Variants in MOCS1 observed in about 807,000 individuals in gnomAD.
The protein encoded by MOCS1 is molybdenum cofactor biosynthesis protein 1.
A neutral mutation model predicts 57.6 loss-of-function variants in MOCS1; 39 were observed. That is an observed-to-expected ratio of 0.68 (90% CI 0.52 to 0.88). MOCS1 has a LOEUF of 0.88. Ranked by LOEUF, MOCS1 falls within the 40% of genes least tolerant of loss-of-function variation. MOCS1 has a pLI of 0.00. For missense variants in MOCS1, 795 were observed against 831.1 expected (o/e 0.96, Z 0.53); for synonymous variants, 334 against 335.7 (o/e 1.00, Z 0.05).
chr6:39,905,702 C>T lies in MOCS1; in HGVS notation c.*655G>A, dbSNP rs892789300. On this transcript the variant is annotated 3_prime_UTR_variant, in exon 11 of 11. Transcript: ENST00000340692. ...CTTAGGGCTATGGCCCATGTGTGCA[C>T]ATCCTGTTTCAGAAGAGGGGGGCCA... 2.1e-5 allele frequency: 10 copies of T among 471,038 alleles called. No individual in the cohort carries two copies. The highest frequency in any genetic ancestry group is 4.0e-5 in the African/African-American group (2 of 50,046). 29.2% of individuals were successfully genotyped at this position (471,038 alleles called of 1,614,324 possible). A position where few individuals can be genotyped will look rare whatever the true frequency, so the allele number is the denominator to read the frequency against.
intron 3 of MOCS1, among the ~76,000 whole-genome samples, chr6:39,922,710 G>A (rs542833062): frequency 2.0e-5 from 3 of 152,290 alleles, no homozygotes; most frequent in East Asian, 1.9e-4. Context: ...AACCCTTCCC[G>A]TGGGGTGTTC....
Position 39,934,282 on chromosome 6 carries a change from G to T in MOCS1, c.123+13C>A, listed in dbSNP as rs188194144. ...GCCCCGGGAAGCTGTGGACGCAGGC[G>T]GGGTGGGCTCACCTCCGAGGCAGCT... On this transcript the variant is annotated intron_variant, in intron 1 of 10. Coordinates refer to ENST00000340692, the MANE Select transcript of MOCS1 (RefSeq NM_001358530.2). The T allele has an allele frequency of 6.5e-7, 1 of 1,537,348 alleles. No individual in the cohort carries two copies. Among genetic ancestry groups the T allele is most frequent in the Non-Finnish European group, 8.7e-7 (1 of 1,147,596 alleles).
At chr6:39,931,244 C>T (rs902472714) in intron 1 of MOCS1, among the ~76,000 whole-genome samples, 1 of 152,132 alleles carries the variant, frequency 6.6e-6, no homozygotes, top group African/African-American at 2.4e-5. Context: ...AGAGTTAAAG[C>T]GGGACCCTGC....
Position 39,905,392 on chromosome 6 carries a change from G to GT in MOCS1, c.*964dup. On this transcript the variant is annotated 3_prime_UTR_variant, in exon 11 of 11. Coordinates refer to ENST00000340692, the MANE Select transcript of MOCS1 (RefSeq NM_001358530.2). ...AGAGTACACCCTTAGGCCTTTCCAG[G>GT]TCCCTCCTCTTCTTCCCTCAGGGAA... 1 of 467,036 alleles carries GT rather than the reference G, an allele frequency of 2.1e-6. No individual in the cohort carries two copies. The highest frequency in any genetic ancestry group is 1.5e-5 in the South Asian group (1 of 64,562). 28.9% of individuals were successfully genotyped at this position (467,036 alleles called of 1,614,324 possible). A position where few individuals can be genotyped will look rare whatever the true frequency, so the allele number is the denominator to read the frequency against.
At chr6:39,917,530 T>C (rs1250535541) in intron 3 of MOCS1, among the ~76,000 whole-genome samples, 3 of 152,058 alleles carry the variant, frequency 2.0e-5, no homozygotes, top group African/African-American at 7.2e-5. Flanking sequence ...TCCACAACCT[T>C]GGAGCAACCC....
At chr6:39,916,301 A>G in intron 3 of MOCS1, 69 bp from the exon 4 acceptor site, 1 of 1,590,846 alleles carries the variant, frequency 6.3e-7, no homozygotes, top group Non-Finnish European at 8.6e-7. Context: ...AAGGGCTGGA[A>G]GGCAAAACTC....
Position 39,909,035 on chromosome 6 carries a change from C to G in MOCS1, c.1150+20G>C. On this transcript the variant is annotated intron_variant, in intron 10 of 10. Coordinates refer to ENST00000340692, the MANE Select transcript of MOCS1 (RefSeq NM_001358530.2). Reference sequence around the variant, plus strand: ...CCCAAATGACAAGGGTGAGTGGTTACGTACTGATGGGTCACCCACCGATGA... The same window carrying G: ...CCCAAATGACAAGGGTGAGTGGTTAGGTACTGATGGGTCACCCACCGATGA... 1 of 1,609,570 alleles carries G rather than the reference C, an allele frequency of 6.2e-7. No homozygotes were observed. The highest frequency in any genetic ancestry group is 8.5e-7 in the Non-Finnish European group (1 of 1,176,890).
At chr6:39,916,748 T>A (rs1200346644) in intron 3 of MOCS1, among the ~76,000 whole-genome samples, 1 of 152,162 alleles carries the variant, frequency 6.6e-6, no homozygotes, top group South Asian at 2.1e-4. Context: ...TAAAAATCCA[T>A]AATAGCATTG....
intron 3 of MOCS1, 29 bp downstream of exon 3, chr6:39,925,649 G>T: frequency 6.2e-7 from 1 of 1,612,616 alleles, no homozygotes; most frequent in South Asian, 1.1e-5. Context: ...AGCGCTGGGA[G>T]AAGTGGCGAT....
chr6:39,906,742 G>A lies in MOCS1; in HGVS notation c.1526C>T (p.Ser509Leu), dbSNP rs1352727026. The A allele has an allele frequency of 3.1e-6, 5 of 1,614,106 alleles. No individual in the cohort carries two copies. In the Admixed American group the frequency reaches 8.3e-5, roughly 27 times the overall value. The change falls in exon 11 of 11, where the codon TCA becomes TTA. Residue 509 changes from serine to leucine, a missense_variant. Coordinates refer to ENST00000340692, the MANE Select transcript of MOCS1 (RefSeq NM_001358530.2). ...TACCGGTCCCAGGAGGACCACGGCTGAAGCCACAGCCACCCGCTCTGTGTC... is the reference window on the plus strand; with the variant it reads ...TACCGGTCCCAGGAGGACCACGGCTAAAGCCACAGCCACCCGCTCTGTGTC... ...KPDTERVAVASAVVLLGPVAF... is the reference protein window; with the variant it reads ...KPDTERVAVALAVVLLGPVAF...
chr6:39,912,624 G>A (rs1463020042), intron 7 of MOCS1, among the ~76,000 whole-genome samples: 1 of 152,228 alleles, frequency 6.6e-6, no homozygotes, highest in Admixed American at 6.5e-5. Flanking sequence ...GTTTAGAAAA[G>A]TCTGCGTGGA....
At chr6:39,916,656 T>C (rs1221561810) in intron 3 of MOCS1, among the ~76,000 whole-genome samples, 1 of 152,232 alleles carries the variant, frequency 6.6e-6, no homozygotes, top group Admixed American at 6.5e-5. Context: ...ATACTCTGTA[T>C]AATGGAAACA....
In MOCS1 at chr6:39,934,368, C is replaced by A; in HGVS notation, c.50G>T (p.Ser17Ile). 6.4e-7 allele frequency: 1 copy of A among 1,558,084 alleles called. No individual in the cohort carries two copies. The highest frequency in any genetic ancestry group is 8.6e-7 in the Non-Finnish European group (1 of 1,156,462). Residue 17 changes from serine to isoleucine, a missense_variant, in exon 1 of 11, where the codon AGC (serine) becomes ATC (isoleucine). Ser to Ile is a moderately radical substitution (Grantham distance 142). Around this residue, in one of 3 missense-constraint regions of MOCS1, gnomAD observed 416 missense variants for 392.4 expected, o/e 1.06. Coordinates refer to ENST00000340692, the MANE Select transcript of MOCS1 (RefSeq NM_001358530.2). ...AGCCCCTGAGCTGCAGCTCCGGGCG[C>A]TGGACCTCAGAAGCCGCCGCAGCAT... ...SRMLRRLLRSSARSCSSGAPV... is the reference protein window; with the variant it reads ...SRMLRRLLRSIARSCSSGAPV...
intron 8 of MOCS1, among the ~76,000 whole-genome samples, chr6:39,911,537 A>G (rs1339675423): frequency 6.6e-6 from 1 of 152,176 alleles, no homozygotes; most frequent in Non-Finnish European, 1.5e-5. Flanking sequence ...CCTGTTCAGG[A>G]ACCTTACGCA....
At position 39,904,927 on chromosome 6, in the gene MOCS1, G is replaced by A. The variant is rs1426492132; in HGVS notation, c.*1430C>T. 6 of 453,974 alleles carry A rather than the reference G, an allele frequency of 1.3e-5. No individual in the cohort carries two copies. Among genetic ancestry groups the A allele is most frequent in the African/African-American group, 1.2e-4 (6 of 49,966 alleles). The allele number at this position is 453,974 out of a possible 1,614,324, so 28.1% of individuals were successfully genotyped here. On this transcript the variant is annotated 3_prime_UTR_variant, in exon 11 of 11. Transcript: ENST00000340692. ...AGGGGATCTGGGGTGGGCTGAGAGT[G>A]TGCTGGAGCCAGCTTGTACCAGCTC...
chr6:39,912,783 T>A, intron 7 of MOCS1, 109 bp downstream of exon 7: 4 of 866,626 alleles, frequency 4.6e-6, no homozygotes, highest in Non-Finnish European at 6.0e-6. Flanking sequence ...AATGGTACCA[T>A]CCCACATCAC....
At chr6:39,927,775 T>C (rs1768420520) in intron 1 of MOCS1, 4 of 1,437,740 alleles carry the variant, frequency 2.8e-6, no homozygotes, top group South Asian at 2.8e-5. Flanking sequence ...TTCTTCACTC[T>C]AGCCAGTGCC....
At chr6:39,928,342 CTTT>C (rs1327893666) in intron 1 of MOCS1, among the ~76,000 whole-genome samples, 1 of 151,986 alleles carries the variant, frequency 6.6e-6, no homozygotes, top group Non-Finnish European at 1.5e-5. Flanking sequence ...TTTTTTGTAT[CTTT>C]AGTAGAGACG....
At chr6:39,924,786 A>G (rs1402137014) in intron 3 of MOCS1, among the ~76,000 whole-genome samples, 3 of 152,234 alleles carry the variant, frequency 2.0e-5, no homozygotes, top group African/African-American at 4.8e-5. Flanking sequence ...ATTTAGGAGC[A>G]TAAAAACCAT....
Sources: gnomAD v4.1 joint callset for allele counts (sites outside exome capture counted in the v4.1 genomes callset) on GRCh38, gnomAD v4.1.1 for gene constraint, gnomAD v4.1.1 regional missense constraint, MANE v1.5 for transcripts, NCBI Gene and HGNC (gene_info 2026-07-23, HGNC 2026-07-21) for gene names.